The following DAPK1 variants were observed in gnomAD, a reference collection of about 807,000 sequenced individuals.
The protein encoded by DAPK1 is death-associated protein kinase 1.
DAPK1 carries 56 observed loss-of-function variants against 144.9 expected under a neutral mutation model. That is an observed-to-expected ratio of 0.39 (90% CI 0.31 to 0.48). The LOEUF (loss-of-function observed/expected upper bound fraction) is 0.48, where lower values mean the gene tolerates loss of function less well. Ranked by LOEUF, DAPK1 falls within the 20% of genes least tolerant of loss-of-function variation. The pLI, the probability that DAPK1 is intolerant of heterozygous loss-of-function variation, is 0.95. For synonymous variants in DAPK1, 690 were observed against 749.0 expected (o/e 0.92, Z 1.29); for missense variants, 1,454 against 1,875.4 (o/e 0.78, Z 4.15).
intron 18 of DAPK1, chr9:87,667,652 A>G (rs1256428965): frequency 2.0e-5 from 3 of 152,208 alleles, no homozygotes; most frequent in Non-Finnish European, 4.4e-5. Context: ...AAGCTTCTAC[A>G]AGGATGCAAC....
At chr9:87,673,802 T>C (rs1824263020) in intron 19 of DAPK1, among the ~76,000 whole-genome samples, 1 of 152,146 alleles carries the variant, frequency 6.6e-6, no homozygotes, top group African/African-American at 2.4e-5. Flanking sequence ...ATGCTAGAGA[T>C]GAAGTCTGCT....
chr9:87,557,909 C>A (rs1563992547), intron 2 of DAPK1, among the ~76,000 whole-genome samples: 1 of 152,116 alleles, frequency 6.6e-6, no homozygotes, highest in Non-Finnish European at 1.5e-5. Context: ...ACATTGCACT[C>A]CAGCCTGGGT....
At chr9:87,705,203 T>C (rs1825594908) in intron 25 of DAPK1, among the ~76,000 whole-genome samples, 1 of 151,456 alleles carries the variant, frequency 6.6e-6, no homozygotes, top group African/African-American at 2.4e-5. Flanking sequence ...AACTCTCATA[T>C]AGGCTACATT....
chr9:87,517,247 T>C (rs1825097136), intron 2 of DAPK1, among the ~76,000 whole-genome samples: 1 of 151,626 alleles, frequency 6.6e-6, no homozygotes, highest in Non-Finnish European at 1.5e-5. Context: ...ACTGCTTTCC[T>C]CCGGGGGTGC....
intron 2 of DAPK1, among the ~76,000 whole-genome samples, chr9:87,513,069 G>C (rs1340522847): frequency 6.6e-6 from 1 of 152,214 alleles, no homozygotes; most frequent in Non-Finnish European, 1.5e-5. Context: ...TGGAAATTGG[G>C]TCTATAAGGT....
chr9:87,636,194 G>A (rs890516206), intron 3 of DAPK1, among the ~76,000 whole-genome samples: 8 of 152,288 alleles, frequency 5.3e-5, no homozygotes, highest in African/African-American at 1.7e-4. Flanking sequence ...GGAGAGCAAG[G>A]CCACTGCTGA....
At chr9:87,643,598 C>G in intron 11 of DAPK1, 130 bp downstream of exon 11, 2 of 645,718 alleles carry the variant, frequency 3.1e-6, no homozygotes, top group Middle Eastern at 2.6e-4. Context: ...TTGATCCCCT[C>G]GGAGGGGTTT....
At chr9:87,600,863 C>T (rs1223116908) in intron 2 of DAPK1, among the ~76,000 whole-genome samples, 1 of 152,194 alleles carries the variant, frequency 6.6e-6, no homozygotes, top group Non-Finnish European at 1.5e-5. Context: ...GACAAGCGCC[C>T]CCAGCGTGGT....
chr9:87,620,715 G>A (rs1829265702), intron 3 of DAPK1, among the ~76,000 whole-genome samples: 1 of 152,030 alleles, frequency 6.6e-6, no homozygotes, highest in African/African-American at 2.4e-5. Flanking sequence ...GGAGCTGGTG[G>A]TGGTCTGTAT....
At chr9:87,597,271 G>T (rs1828350063) in intron 2 of DAPK1, among the ~76,000 whole-genome samples, 1 of 152,186 alleles carries the variant, frequency 6.6e-6, no homozygotes, top group Non-Finnish European at 1.5e-5. Context: ...TTTGGAAGGT[G>T]CTGTCTGCTT....
intron 2 of DAPK1, among the ~76,000 whole-genome samples, chr9:87,557,924 G>A (rs1163606812): frequency 6.6e-6 from 1 of 152,084 alleles, no homozygotes; most frequent in Non-Finnish European, 1.5e-5. Flanking sequence ...CTGGGTGACA[G>A]AGTGAGACTC....
intron 2 of DAPK1, among the ~76,000 whole-genome samples, chr9:87,545,968 G>A (rs1156624833): frequency 2.6e-5 from 4 of 152,176 alleles, no homozygotes; most frequent in Non-Finnish European, 5.9e-5. Flanking sequence ...AAGTGTAAAA[G>A]AAGAGGGTTT....
intron 2 of DAPK1, among the ~76,000 whole-genome samples, chr9:87,549,182 C>T (rs189372853): frequency 4.6e-5 from 7 of 152,226 alleles, no homozygotes; most frequent in Admixed American, 4.6e-4. Flanking sequence ...CAAGTGAGAA[C>T]ATGCAGTGTT....
chr9:87,659,526 T>C (rs3128470), intron 18 of DAPK1, among the ~76,000 whole-genome samples: 30,057 of 152,242 alleles, frequency 0.2, 3,197 homozygotes, highest in Admixed American at 0.28. Flanking sequence ...TTATTGAAGA[T>C]GCCAGCAGCT....
chr9:87,635,306 G>T (rs1049854701), intron 3 of DAPK1, among the ~76,000 whole-genome samples: 1 of 152,122 alleles, frequency 6.6e-6, no homozygotes, highest in African/African-American at 2.4e-5. Flanking sequence ...GGTGCTGGAA[G>T]ATTCACCCCA....
At chr9:87,512,816 T>C (rs1349837213) in intron 2 of DAPK1, among the ~76,000 whole-genome samples, 1 of 152,172 alleles carries the variant, frequency 6.6e-6, no homozygotes, top group Non-Finnish European at 1.5e-5. Flanking sequence ...AATTTTTGTA[T>C]TTTTAGTAGA....
chr9:87,525,508 A>G (rs879057356), intron 2 of DAPK1: 1 of 1,246,422 alleles, frequency 8.0e-7, no homozygotes, highest in Non-Finnish European at 1.2e-6. Flanking sequence ...TCCAAGGCAT[A>G]TACTCAATGA....
At chr9:87,532,353 C>T (rs1825728385) in intron 2 of DAPK1, among the ~76,000 whole-genome samples, 1 of 151,970 alleles carries the variant, frequency 6.6e-6, no homozygotes, top group Non-Finnish European at 1.5e-5. Flanking sequence ...ACACCCATGC[C>T]CATTTGTTTG....
At chr9:87,647,436 T>C (rs771302160) in intron 14 of DAPK1, 33 bp downstream of exon 14, 6 of 1,560,022 alleles carry the variant, frequency 3.8e-6, no homozygotes, top group Non-Finnish European at 5.3e-6. Context: ...GAACATGAGG[T>C]GGTAGTAAAT....
Sources: gnomAD v4.1 joint callset for allele counts (sites outside exome capture counted in the v4.1 genomes callset) on GRCh38, gnomAD v4.1.1 for gene constraint, MANE v1.5 for transcripts, NCBI Gene and HGNC (gene_info 2026-07-23, HGNC 2026-07-21) for gene names.